JAKMIP2: variants seen among roughly 807,000 people sequenced by gnomAD.
JAKMIP2 encodes the protein janus kinase and microtubule interacting protein 2.
Under a neutral mutation model 115.0 loss-of-function variants are expected in JAKMIP2, and 25 were observed. The observed-to-expected ratio is 0.22, with a 90% CI of 0.16 to 0.30. JAKMIP2 has a LOEUF of 0.30. Among genes scored for constraint, JAKMIP2 ranks in the 10% least tolerant of loss-of-function variants. The pLI is 1.00. For synonymous variants in JAKMIP2, 334 were observed against 343.6 expected (o/e 0.97, Z 0.31); for missense variants, 642 against 957.6 (o/e 0.67, Z 4.35).
At chr5:147,614,377 G>A (rs1756473745) in intron 19 of JAKMIP2, among the ~76,000 whole-genome samples, 1 of 151,668 alleles carries the variant, frequency 6.6e-6, no homozygotes, top group African/African-American at 2.4e-5. Flanking sequence ...TCAAATAAAT[G>A]TGTTATGCTA....
chr5:147,686,608 C>T (rs373366685), intron 1 of JAKMIP2, among the ~76,000 whole-genome samples: 18 of 152,042 alleles, frequency 1.2e-4, no homozygotes, highest in African/African-American at 3.9e-4. Flanking sequence ...CTGAATGGAG[C>T]CAAAATGAAC....
intron 1 of JAKMIP2, among the ~76,000 whole-genome samples, chr5:147,759,201 A>G (rs1392605371): frequency 6.6e-6 from 1 of 152,086 alleles, no homozygotes; most frequent in East Asian, 1.9e-4. Context: ...GAAAATAAAC[A>G]GAGGCAGGTA....
At chr5:147,694,292 T>C (rs916483026) in intron 1 of JAKMIP2, among the ~76,000 whole-genome samples, 2 of 152,170 alleles carry the variant, frequency 1.3e-5, no homozygotes, top group Non-Finnish European at 2.9e-5. Flanking sequence ...CAGGGAGATG[T>C]CAGCAGCTTG....
chr5:147,661,221 G>T lies in JAKMIP2; in HGVS notation c.354C>A (p.Leu118=), dbSNP rs771515495. Residue 118 remains leucine, a synonymous_variant, in exon 3 of 22, where the codon CTC becomes CTA. Coordinates refer to ENST00000616793, the MANE Select transcript of JAKMIP2 (RefSeq NM_001270941.2). ...CACTGCTGCCGTCGCGGAGAGCACAGAGAGCAGACTTGAGCCTCTGGATCT... is the reference window on the plus strand; with the variant it reads ...CACTGCTGCCGTCGCGGAGAGCACATAGAGCAGACTTGAGCCTCTGGATCT... The part of the protein sequence containing the change: ...DGEIQRLKSA[L]CALRDGSSDK... The T allele has an allele frequency of 1.2e-6, 2 of 1,613,894 alleles. No homozygotes were observed. The highest frequency in any genetic ancestry group is 1.7e-6 in the Non-Finnish European group (2 of 1,180,024).
At chr5:147,628,413 C>G (rs550613377) in intron 16 of JAKMIP2, among the ~76,000 whole-genome samples, 37 of 152,244 alleles carry the variant, frequency 2.4e-4, no homozygotes, top group Middle Eastern at 6.8e-3. Flanking sequence ...GAGCAATGCT[C>G]CAGTTTATCA....
intron 1 of JAKMIP2, among the ~76,000 whole-genome samples, chr5:147,764,948 G>GAAAGAAAGAA (rs1755083719): frequency 1.8e-5 from 1 of 56,562 alleles, no homozygotes; most frequent in East Asian, 7.4e-4. Context: ...GAGAGAGAGG[G>GAAAGAAAGAA]AGAGAGAGAG....
rs1754906860 is a variant in JAKMIP2 at position 147,587,167 on chromosome 5, A to T, written c.*4540T>A. On this transcript the variant is annotated 3_prime_UTR_variant, in exon 22 of 22. Transcript: ENST00000616793. ...ACTTAAGACCTAGAAGTCTGCTTAA[A>T]GAGGGGCTTGGGTCCATATTGGAAG... 6.6e-6 allele frequency: 1 copy of T among 152,204 alleles called. No individual in the cohort carries two copies. Among genetic ancestry groups the T allele is most frequent in the Admixed American group, 6.5e-5 (1 of 15,272 alleles). 9.4% of individuals were successfully genotyped at this position (152,204 alleles called of 1,614,324 possible).
intron 10 of JAKMIP2, among the ~76,000 whole-genome samples, chr5:147,639,157 A>G (rs1561507693): frequency 6.6e-6 from 1 of 152,180 alleles, no homozygotes; most frequent in Non-Finnish European, 1.5e-5. Context: ...CTGAGTGTCA[A>G]ATTTCTCTTT....
chr5:147,692,903 G>A (rs1349907165), intron 1 of JAKMIP2, among the ~76,000 whole-genome samples: 1 of 152,136 alleles, frequency 6.6e-6, no homozygotes, highest in Non-Finnish European at 1.5e-5. Context: ...GATAATTACT[G>A]TAAAACTGTG....
At chr5:147,605,903 GTGGTTTTAA>G (rs1755984453) in intron 20 of JAKMIP2, among the ~76,000 whole-genome samples, 1 of 152,088 alleles carries the variant, frequency 6.6e-6, no homozygotes, top group African/African-American at 2.4e-5. Flanking sequence ...GTATCTCATT[GTGGTTTTAA>G]TTTGCATTTC....
chr5:147,659,250 GCA>G (rs1758837144), intron 3 of JAKMIP2, among the ~76,000 whole-genome samples: 1 of 152,206 alleles, frequency 6.6e-6, no homozygotes. Context: ...TGGGCAGGTA[GCA>G]CAGTCTGTCA....
chr5:147,691,805 T>C (rs6580496), intron 1 of JAKMIP2, among the ~76,000 whole-genome samples: 42,421 of 151,890 alleles, frequency 0.28, 6,938 homozygotes, highest in East Asian at 0.5. Flanking sequence ...GAGGGGAGTC[T>C]GTGCATGGGA....
chr5:147,609,608 T>C (rs968376746), intron 20 of JAKMIP2, among the ~76,000 whole-genome samples: 1 of 152,126 alleles, frequency 6.6e-6, no homozygotes, highest in Non-Finnish European at 1.5e-5. Flanking sequence ...GTGCTTAACA[T>C]TTTTTTCCTT....
At chr5:147,686,454 T>C (rs909169319) in intron 1 of JAKMIP2, among the ~76,000 whole-genome samples, 2 of 152,176 alleles carry the variant, frequency 1.3e-5, no homozygotes, top group African/African-American at 2.4e-5. Context: ...TACCCTATAA[T>C]GTTCACTTTT....
intron 3 of JAKMIP2, among the ~76,000 whole-genome samples, chr5:147,657,463 T>C (rs576969358): frequency 6.6e-6 from 1 of 152,270 alleles, no homozygotes; most frequent in African/African-American, 2.4e-5. Context: ...CCTTGGAAAA[T>C]CTAATGATTA....
intron 19 of JAKMIP2, among the ~76,000 whole-genome samples, chr5:147,614,701 T>C (rs1311224610): frequency 1.3e-5 from 2 of 152,148 alleles, no homozygotes; most frequent in South Asian, 2.1e-4. Context: ...GTTAGTTGAG[T>C]TGTACTCAGA....
At chr5:147,740,603 A>G (rs1024464359) in intron 1 of JAKMIP2, among the ~76,000 whole-genome samples, 3 of 152,208 alleles carry the variant, frequency 2.0e-5, no homozygotes, top group Non-Finnish European at 4.4e-5. Flanking sequence ...TGGACAACTT[A>G]GAAGCAGTGT....
chr5:147,715,154 T>A (rs1197827812), intron 1 of JAKMIP2, among the ~76,000 whole-genome samples: 2 of 152,070 alleles, frequency 1.3e-5, no homozygotes. Context: ...CAAAGATTAG[T>A]CTATAACTTC....
chr5:147,620,834 C>T, intron 17 of JAKMIP2, 91 bp from the exon 18 acceptor site: 1 of 920,980 alleles, frequency 1.1e-6, no homozygotes, highest in Non-Finnish European at 1.7e-6. Flanking sequence ...CTAATTCTAC[C>T]ATAAGACAAA....
Sources: gnomAD v4.1 joint callset for allele counts (sites outside exome capture counted in the v4.1 genomes callset) on GRCh38, gnomAD v4.1.1 for gene constraint, MANE v1.5 for transcripts, NCBI Gene and HGNC (gene_info 2026-07-23, HGNC 2026-07-21) for gene names.